Variants in TTC12 observed in about 807,000 individuals in gnomAD.
TTC12 encodes the protein tetratricopeptide repeat protein 12.
A neutral mutation model predicts 90.1 loss-of-function variants in TTC12; 70 were observed. The ratio of observed to expected loss-of-function variants is 0.78; its 90% confidence interval spans 0.64 to 0.95. TTC12 has a LOEUF of 0.95. TTC12 is among the 40% of genes least tolerant of loss of function. The pLI, the probability that TTC12 is intolerant of heterozygous loss-of-function variation, is 0.00. For synonymous variants in TTC12, 296 were observed against 311.5 expected, an observed-to-expected ratio of 0.95 and a Z score of 0.53; for missense variants, 819 against 846.1, an observed-to-expected ratio of 0.97 and a Z score of 0.40.
chr11:113,324,902 C>A (rs1377376416), intron 5 of TTC12, among the ~76,000 whole-genome samples: 1 of 152,144 alleles, frequency 6.6e-6, no homozygotes, highest in Non-Finnish European at 1.5e-5. Context: ...TCCAGTGAAA[C>A]CTCTTTCTGA....
intron 11 of TTC12, chr11:113,341,572 A>G (rs1591570876): frequency 4.2e-6 from 2 of 480,244 alleles, no homozygotes; most frequent in East Asian, 4.1e-5. Context: ...GTGCTCAGCC[A>G]CAGTTCATTG....
rs548061389 is a variant in TTC12 at position 113,323,902 on chromosome 11, G to A, written c.223-92G>A. 1.3e-5 allele frequency: 13 copies of A among 976,184 alleles called. No homozygotes were observed. The African/African-American group carries it at 2.2e-4, about 16-fold the overall frequency. The allele number at this position is 976,184 out of a possible 1,614,324, so 60.5% of individuals were successfully genotyped here. A position where few individuals can be genotyped will look rare whatever the true frequency, so the allele number is the denominator to read the frequency against. On this transcript the variant is annotated intron_variant, in intron 3 of 21. Coordinates refer to ENST00000529221, the MANE Select transcript of TTC12 (RefSeq NM_017868.4). ...GGTTAAAAGAAATGACCTCTTGTTT[G>A]TAATTGATTTGCCTTCTTGGTTTAT... is the stretch of plus-strand genomic sequence containing the variant.
rs540946894 is a variant in TTC12, at chr11:113,341,631, G to C, written c.897-206G>C. The C allele has an allele frequency of 7.3e-5, 41 of 562,998 alleles. No homozygotes were observed. The African/African-American group carries it at 7.5e-4, about 10-fold the overall frequency. 34.9% of individuals were successfully genotyped at this position (562,998 alleles called of 1,614,324 possible). ...GGCCCTGGCTCACTGCCCAGCCTCT[G>C]TGCAGCCCTGGCTTCCTCAGTCTGC... On this transcript the variant is annotated intron_variant, in intron 11 of 21. Coordinates refer to ENST00000529221, the MANE Select transcript of TTC12 (RefSeq NM_017868.4).
rs1248194369 is a variant in TTC12, at chr11:113,323,176, C to T, written c.59-112C>T. On this transcript the variant is annotated intron_variant, in intron 2 of 21. Coordinates refer to ENST00000529221, the MANE Select transcript of TTC12 (RefSeq NM_017868.4). ...GCTTGCTCTATTTTGCTTTCTATTG[C>T]TCTATTTTTTTCTTTAAGATCTTTC... is the stretch of plus-strand genomic sequence containing the variant. 5.1e-6 allele frequency: 3 copies of T among 583,478 alleles called. No homozygotes were observed. The African/African-American group carries it at 6.2e-5, about 12-fold the overall frequency. The allele number at this position is 583,478 out of a possible 1,614,324, so 36.1% of individuals were successfully genotyped here. A position where few individuals can be genotyped will look rare whatever the true frequency, so the allele number is the denominator to read the frequency against.
chr11:113,366,472 G>A (rs1457457558), downstream of TTC12: 2 of 1,218,648 alleles, frequency 1.6e-6, no homozygotes, highest in African/African-American at 1.5e-5. Context: ...GCTGGCTGCT[G>A]TGGTGGGCTC....
intron 2 of TTC12, among the ~76,000 whole-genome samples, chr11:113,317,156 C>T (rs1946991173): frequency 6.6e-6 from 1 of 152,184 alleles, no homozygotes; most frequent in Admixed American, 6.5e-5. Context: ...GTAGCTTTAC[C>T]TGCCACCTGT....
chr11:113,323,050 A>G (rs1189012524), intron 2 of TTC12, among the ~76,000 whole-genome samples: 2 of 151,610 alleles, frequency 1.3e-5, no homozygotes, highest in Non-Finnish European at 2.9e-5. Flanking sequence ...TAATGGCTTA[A>G]AACTCTGTTC....
chr11:113,331,078 T>C (rs1948034238), intron 7 of TTC12, among the ~76,000 whole-genome samples: 1 of 152,188 alleles, frequency 6.6e-6, no homozygotes, highest in Non-Finnish European at 1.5e-5. Flanking sequence ...TCACCTCTGC[T>C]TATAATCATT....
rs782148608 is a variant in TTC12 at position 113,325,656 on chromosome 11, C to T, written c.444+11C>T. 1 of 1,613,536 alleles carries T rather than the reference C, an allele frequency of 6.2e-7. No individual in the cohort carries two copies. Among genetic ancestry groups the T allele is most frequent in the Non-Finnish European group, 8.5e-7 (1 of 1,179,662 alleles). ...ACCAACCGAGCCCAGGTCAGTGAGG[C>T]AGGGATGTATCCATGGGGCTTTCTC... On this transcript the variant is annotated intron_variant, in intron 6 of 21. Coordinates refer to ENST00000529221, the MANE Select transcript of TTC12 (RefSeq NM_017868.4).
rs78183568 is a variant in TTC12 at position 113,330,009 on chromosome 11, A to G, written c.504+30A>G. 14,525 of 1,565,324 alleles carry G rather than the reference A, an allele frequency of 9.3e-3. 857 individuals are homozygous for G. In the African/African-American group the frequency reaches 0.14, roughly 15 times the overall value. On this transcript the variant is annotated intron_variant, in intron 7 of 21. Coordinates refer to ENST00000529221, the MANE Select transcript of TTC12 (RefSeq NM_017868.4). ...GAGGGTATTTCTTTTCCCACATGATAGTGTTGGGCTGAAGTAGATAGAAGG... is the reference window on the plus strand; with the variant it reads ...GAGGGTATTTCTTTTCCCACATGATGGTGTTGGGCTGAAGTAGATAGAAGG...
chr11:113,341,627 C>G, intron 11 of TTC12: 1 of 555,938 alleles, frequency 1.8e-6, no homozygotes, highest in East Asian at 3.3e-5. Flanking sequence ...ACTGCCCAGC[C>G]TCTGTGCAGC....
rs782603510 is a variant in TTC12 at position 113,324,624 on chromosome 11, G to A, written c.264G>A (p.Val88=). 1.2e-6 allele frequency: 2 copies of A among 1,613,914 alleles called. No homozygotes were observed. Among genetic ancestry groups the A allele is most frequent in the Non-Finnish European group, 1.7e-6 (2 of 1,179,888 alleles). ...TGTCAGAGGCCTTCTTGGCATCTGT[G>A]GAGAAGGATGCAAAGGAACGAGCCA... is the stretch of plus-strand genomic sequence containing the variant. ...EINSEAFLAS[V]EKDAKERAKR... The change falls in exon 5 of 22, where the codon GTG becomes GTA. Residue 88 remains valine (V), a synonymous_variant. Transcript: ENST00000529221.
chr11:113,359,187 T>C (rs1949782261), intron 16 of TTC12, among the ~76,000 whole-genome samples, 176 bp from the exon 17 acceptor site: 1 of 151,608 alleles, frequency 6.6e-6, no homozygotes. Flanking sequence ...CTTCCAAGTC[T>C]CCTGGACCAA....
chr11:113,342,721 T>G (rs1006532047), intron 12 of TTC12, among the ~76,000 whole-genome samples: 1 of 152,108 alleles, frequency 6.6e-6, no homozygotes, highest in African/African-American at 2.4e-5. Context: ...ATTAAGCTCT[T>G]GAAAATCTAG....
At chr11:113,372,064 A>G (rs771653790) in intron 21 of TTC12, among the ~76,000 whole-genome samples, 21 of 152,138 alleles carry the variant, frequency 1.4e-4, no homozygotes, top group African/African-American at 4.6e-4. Flanking sequence ...AAGGGTTTCT[A>G]TGTGACTCTA....
At chr11:113,338,327 T>G (rs1396806813) in intron 8 of TTC12, among the ~76,000 whole-genome samples, 2 of 152,188 alleles carry the variant, frequency 1.3e-5, no homozygotes, top group Admixed American at 1.3e-4. Context: ...TCGCAGCTTG[T>G]ACATTTAACT....
rs35593274 is a variant in TTC12 at position 113,346,652 on chromosome 11, G to GA, written c.1154+2220dup. Reference sequence around the variant, plus strand: ...ATTGTGTCACATGCTACCCCTAGTGGAAAAAAAATGGTCCCAACTTCTTCT... The same window carrying GA: ...ATTGTGTCACATGCTACCCCTAGTGGAAAAAAAAATGGTCCCAACTTCTTCT... On this transcript the variant is annotated intron_variant, in intron 13 of 21. Transcript: ENST00000529221. Among the ~76,000 whole-genome samples, 484 of 146,584 alleles carry GA rather than the reference G, an allele frequency of 3.3e-3. 4 individuals carry two copies. The highest frequency in any genetic ancestry group is 0.011 in the African/African-American group (456 of 39,914).
intron 2 of TTC12, among the ~76,000 whole-genome samples, chr11:113,320,537 A>C (rs60726510): frequency 0.02 from 3,018 of 152,106 alleles, 94 homozygotes; most frequent in African/African-American, 0.069. Context: ...CATCCATCCC[A>C]CTGAAAGCCA....
At chr11:113,360,955 G>A (rs1555154760) in intron 18 of TTC12, among the ~76,000 whole-genome samples, 1 of 152,346 alleles carries the variant, frequency 6.6e-6, no homozygotes, top group East Asian at 1.9e-4. Flanking sequence ...AAAGTGGTAA[G>A]CACCACCGTT....
Sources: allele counts gnomAD v4.1 joint callset (sites outside exome capture counted in the v4.1 genomes callset), GRCh38; gene constraint gnomAD v4.1.1; transcripts MANE v1.5; gene names NCBI Gene and HGNC (gene_info 2026-07-23, HGNC 2026-07-21).